PLEKHO2: variants seen among roughly 807,000 people sequenced by gnomAD.
PLEKHO2 encodes the protein pleckstrin homology domain containing O2, also known as pleckstrin homology domain-containing family O member 2.
A neutral mutation model predicts 32.7 loss-of-function variants in PLEKHO2; 20 were observed. That is an observed-to-expected ratio of 0.61 (90% CI 0.43 to 0.89). The LOEUF is 0.89. Among genes scored for constraint, PLEKHO2 ranks in the 40% least tolerant of loss-of-function variants. The pLI is 0.00. For synonymous variants in PLEKHO2, 247 were observed against 246.3 expected, an observed-to-expected ratio of 1.00 and a Z score of -0.03; for missense variants, 568 against 621.2, an observed-to-expected ratio of 0.91 and a Z score of 0.91.
Position 64,865,704 on chromosome 15 carries a change from T to G in PLEKHO2, c.1289T>G (p.Val430Gly), listed in dbSNP as rs1384900773. The G allele has an allele frequency of 1.2e-6, 2 of 1,614,170 alleles. No homozygotes were observed. Among genetic ancestry groups the G allele is most frequent in the Admixed American group, 1.7e-5 (1 of 60,020 alleles). ...SEQTEKLLNK[V>G]LGSEPAPVSA... ...CAGACGGAGAAACTGTTGAACAAGG[T>G]GCTGGGCAGTGAGCCGGCCCCTGTT... The change falls in exon 6 of 6, where the codon GTG (valine) becomes GGG (glycine). Residue 430 changes from valine to glycine, a missense_variant. Val to Gly is a moderately radical substitution (Grantham distance 109, BLOSUM62 -3). Coordinates refer to ENST00000323544, the MANE Select transcript of PLEKHO2 (RefSeq NM_025201.5).
At chr15:64,860,335 G>A (rs920221821) in intron 4 of PLEKHO2, among the ~76,000 whole-genome samples, 6 of 152,260 alleles carry the variant, frequency 3.9e-5, no homozygotes, top group Non-Finnish European at 7.3e-5. Context: ...GCCAGAGAGT[G>A]CTGCAGAGTG....
intron 4 of PLEKHO2, among the ~76,000 whole-genome samples, chr15:64,860,563 AC>A (rs2084634436): frequency 6.6e-6 from 1 of 152,214 alleles, no homozygotes; most frequent in Non-Finnish European, 1.5e-5. Flanking sequence ...CTTTGACATC[AC>A]GGATCTTTGG....
At position 64,848,543 on chromosome 15, in the gene PLEKHO2, G is replaced by C. The variant is rs750207142; in HGVS notation, c.13-50G>C. 3.1e-6 allele frequency: 5 copies of C among 1,610,246 alleles called. No homozygotes were observed. The Admixed American group carries it at 5.0e-5, about 16-fold the overall frequency. On this transcript the variant is annotated intron_variant, in intron 1 of 5. Coordinates refer to ENST00000323544, the MANE Select transcript of PLEKHO2 (RefSeq NM_025201.5). ...TGTGTGACCTATGAACCTGTGACCT[G>C]TGACCCCATGGTAGCAACCCTCATG...
chr15:64,851,822 C>T (rs1395412765), intron 2 of PLEKHO2, among the ~76,000 whole-genome samples: 1 of 151,990 alleles, frequency 6.6e-6, no homozygotes, highest in Non-Finnish European at 1.5e-5. Context: ...AGGGTGTATT[C>T]GGGCCAGTGG....
At chr15:64,853,279 C>CT (rs540850058) in intron 2 of PLEKHO2, among the ~76,000 whole-genome samples, 9,807 of 134,670 alleles carry the variant, frequency 0.073, 1,243 homozygotes, top group African/African-American at 0.24. Context: ...TTTTCTTTTT[C>CT]TTTTTTTTTT....
At chr15:64,842,217 C>A (rs914049478) in intron 1 of PLEKHO2, among the ~76,000 whole-genome samples, 189 bp downstream of exon 1, 3 of 152,252 alleles carry the variant, frequency 2.0e-5, no homozygotes, top group Non-Finnish European at 4.4e-5. Context: ...CCGCGTCCTC[C>A]TTCATTCTCG....
At chr15:64,850,895 A>G (rs1442419979) in intron 2 of PLEKHO2, among the ~76,000 whole-genome samples, 2 of 152,252 alleles carry the variant, frequency 1.3e-5, no homozygotes, top group Admixed American at 6.5e-5. Flanking sequence ...GTAGCAATAT[A>G]TGCCTTTGAC....
At chr15:64,843,654 C>T (rs1336346056) in intron 1 of PLEKHO2, among the ~76,000 whole-genome samples, 1 of 150,830 alleles carries the variant, frequency 6.6e-6, no homozygotes, top group Non-Finnish European at 1.5e-5. Flanking sequence ...GATATTGGCT[C>T]ACCGCAACCG....
rs1175505943 is a variant in PLEKHO2, at chr15:64,865,251, C to G, written c.836C>G (p.Pro279Arg). The part of the protein sequence containing the change: ...KLKVSWENPS[P>R]QEAPAAESAE... ...AAGGTGAGCTGGGAGAACCCCAGCC[C>G]CCAGGAGGCCCCTGCTGCAGAGAGT... Residue 279 changes from proline (P) to arginine (R), a missense_variant, in exon 6 of 6, where the codon CCC becomes CGC. Pro to Arg is a moderately radical substitution (Grantham distance 103). Coordinates refer to ENST00000323544, the MANE Select transcript of PLEKHO2 (RefSeq NM_025201.5). 1 of 1,614,006 alleles carries G rather than the reference C, an allele frequency of 6.2e-7. No individual in the cohort carries two copies. Among genetic ancestry groups the G allele is most frequent in the Non-Finnish European group, 8.5e-7 (1 of 1,179,922 alleles).
At chr15:64,848,565 CATGGT>C (rs1651547232) in intron 1 of PLEKHO2, 23 bp from the exon 2 acceptor site, 1 of 1,613,628 alleles carries the variant, frequency 6.2e-7, no homozygotes, top group African/African-American at 1.3e-5. Flanking sequence ...TAGCAACCCT[CATGGT>C]ATGAACTGGT....
chr15:64,864,364 C>T (rs773906149), intron 5 of PLEKHO2, among the ~76,000 whole-genome samples: 16 of 152,014 alleles, frequency 1.1e-4, no homozygotes, highest in Admixed American at 2.0e-4. Context: ...AGCTGGCAGA[C>T]GGAACAGAGG....
At chr15:64,855,160 G>C in intron 3 of PLEKHO2, 123 bp downstream of exon 3, 3 of 721,518 alleles carry the variant, frequency 4.2e-6, no homozygotes, top group Non-Finnish European at 7.1e-6. Flanking sequence ...TGTGGCTGAG[G>C]CTCAGCCCTA....
At chr15:64,854,239 C>G (rs1001667520) in intron 2 of PLEKHO2, among the ~76,000 whole-genome samples, 11 of 152,202 alleles carry the variant, frequency 7.2e-5, no homozygotes, top group African/African-American at 2.7e-4. Context: ...CGGGAAGAGG[C>G]TGGGCACTGT....
rs192228892 is a variant in PLEKHO2, at chr15:64,842,142, T to C, written c.12+114T>C. The C allele has an allele frequency of 1.1e-3, 1,122 of 1,019,384 alleles. 8 individuals carry two copies. The African/African-American group carries it at 0.017, about 16-fold the overall frequency. 63.1% of individuals were successfully genotyped at this position (1,019,384 alleles called of 1,614,324 possible). A position where few individuals can be genotyped will look rare whatever the true frequency, so the allele number is the denominator to read the frequency against. On this transcript the variant is annotated intron_variant, in intron 1 of 5. Transcript: ENST00000323544. ...CCGCCCCACTCCCGCCAGTCTCACCTCAGGAAGAGCCTGGGCAAATGGGGC... is the reference window on the plus strand; with the variant it reads ...CCGCCCCACTCCCGCCAGTCTCACCCCAGGAAGAGCCTGGGCAAATGGGGC...
rs1567095372 is a variant in PLEKHO2 at position 64,848,748 on chromosome 15, G to A, written c.162+6G>A. The A allele has an allele frequency of 6.2e-7, 1 of 1,613,674 alleles. No individual in the cohort carries two copies. The highest frequency in any genetic ancestry group is 1.3e-5 in the African/African-American group (1 of 74,964). Reference sequence around the variant, plus strand: ...TGCTGGTCTATGAGAATGAGGTGAGGACCTGCTTGGCCCTGAGATTGGGGG... The same window carrying A: ...TGCTGGTCTATGAGAATGAGGTGAGAACCTGCTTGGCCCTGAGATTGGGGG... On this transcript the variant is annotated splice_donor_region_variant and intron_variant, in intron 2 of 5. Transcript: ENST00000323544.
chr15:64,846,001 G>A (rs532950072), intron 1 of PLEKHO2, among the ~76,000 whole-genome samples: 2 of 152,336 alleles, frequency 1.3e-5, no homozygotes, highest in South Asian at 4.1e-4. Flanking sequence ...GGAAGGCCTG[G>A]CAGGGGCTGG....
rs1872988585 is a variant in PLEKHO2, at chr15:64,866,449, C to T, written c.*561C>T. 2.2e-6 allele frequency: 1 copy of T among 454,982 alleles called. No homozygotes were observed. Among genetic ancestry groups the T allele is most frequent in the Admixed American group, 2.4e-5 (1 of 42,418 alleles). The allele number at this position is 454,982 out of a possible 1,614,324, so 28.2% of individuals were successfully genotyped here. A position where few individuals can be genotyped will look rare whatever the true frequency, so the allele number is the denominator to read the frequency against. On this transcript the variant is annotated 3_prime_UTR_variant, in exon 6 of 6. Transcript: ENST00000323544. ...CCTCAGTTGGGGGGAACGTAGGACC[C>T]AGCTGGAGCCTCTTGAGGGAGATGA...
At chr15:64,852,694 C>G (rs550279231) in intron 2 of PLEKHO2, among the ~76,000 whole-genome samples, 1 of 152,014 alleles carries the variant, frequency 6.6e-6, no homozygotes, top group African/African-American at 2.4e-5. Context: ...TATCTCGGCT[C>G]TCTGCAGCCT....
At chr15:64,844,740 G>A (rs2084509889) in intron 1 of PLEKHO2, among the ~76,000 whole-genome samples, 1 of 152,142 alleles carries the variant, frequency 6.6e-6, no homozygotes, top group South Asian at 2.1e-4. Flanking sequence ...CTGGACCAAG[G>A]CGTGTGTCTC....
Sources: gnomAD v4.1 joint callset for allele counts (sites outside exome capture counted in the v4.1 genomes callset) on GRCh38, gnomAD v4.1.1 for gene constraint, MANE v1.5 for transcripts, NCBI Gene and HGNC (gene_info 2026-07-23, HGNC 2026-07-21) for gene names.